The following TELO2 variants were observed in gnomAD, a reference collection of about 807,000 sequenced individuals.
TELO2 encodes the protein telomere maintenance 2.
A neutral mutation model predicts 91.0 loss-of-function variants in TELO2; 71 were observed. That is an observed-to-expected ratio of 0.78 (90% confidence interval 0.64 to 0.95). The LOEUF (loss-of-function observed/expected upper bound fraction) is 0.95, where lower values mean the gene tolerates loss of function less well. Among genes scored for constraint, TELO2 ranks in the 40% least tolerant of loss-of-function variants. The probability of loss-of-function intolerance (pLI) is 0.00; values close to 1 mark genes in which losing one functional copy is unlikely to be tolerated. For synonymous variants in TELO2, 584 were observed against 518.9 expected, an observed-to-expected ratio of 1.13 and a Z score of -1.71; for missense variants, 1,183 against 1,141.3, an observed-to-expected ratio of 1.04 and a Z score of -0.53.
chr16:1,509,896 A>T lies in TELO2; in HGVS notation c.2474A>T (p.Gln825Leu). Residue 825 changes from glutamine to leucine, a missense_variant, in exon 21 of 21, where the codon CAG becomes CTG. Transcript: ENST00000262319. ...TLALRALLLL[Q>L]RLKNRLLPPA... ...GCACTGAGGGCCCTGCTGCTTCTGC[A>T]GAGACTCAAGAACAGGCTCCTCCCA... The T allele has an allele frequency of 6.2e-7, 1 of 1,610,886 alleles. No individual in the cohort carries two copies. The highest frequency in any genetic ancestry group is 8.5e-7 in the Non-Finnish European group (1 of 1,178,996).
In TELO2 at chr16:1,505,988, C is replaced by G. The variant is rs1312217331; in HGVS notation, c.2035-250C>G. On this transcript the variant is annotated intron_variant, in intron 16 of 20. Coordinates refer to ENST00000262319, the MANE Select transcript of TELO2 (RefSeq NM_016111.4). This position sits in a 1 kb window ranked among gnomAD's most constrained non-coding sequence, Gnocchi z 4.3. ...TGCCCAGGGCGGCCTCCCCAGGACG[C>G]TCCTCCAGCCTTGAATGTCCTGCCT... 6.6e-6 allele frequency among the ~76,000 whole-genome samples: 1 copy of G among 152,232 alleles called. No individual in the cohort carries two copies. Among genetic ancestry groups the G allele is most frequent in the African/African-American group, 2.4e-5 (1 of 41,468 alleles).
Position 1,497,449 on chromosome 16 carries a change from G to T in TELO2, c.771G>T (p.Glu257Asp). ...AGCGCGTCTGCTGGCGCCTGGTGGA[G>T]CAAGTGCCGGACCGGGCCATGGAGG... Reference protein sequence around the residue: ...LHQRVCWRLVEQVPDRAMEAV... With the variant: ...LHQRVCWRLVDQVPDRAMEAV... The change falls in exon 5 of 21, where the codon GAG (glutamate) becomes GAT (aspartate). Residue 257 changes from glutamate (E) to aspartate (D), a missense_variant. Glu to Asp is a conservative substitution (Grantham distance 45). Transcript: ENST00000262319. This position sits in a 1 kb window ranked among gnomAD's most constrained non-coding sequence, Gnocchi z 4.0. 6.4e-7 allele frequency: 1 copy of T among 1,570,472 alleles called. No individual in the cohort carries two copies. Among genetic ancestry groups the T allele is most frequent in the South Asian group, 1.2e-5 (1 of 85,598 alleles).
chr16:1,505,606 G>C lies in TELO2; in HGVS notation c.2034+5G>C. ...AAGACCCAGCGGCTCTCCAAGGTTA[G>C]TGGCGCCTGGTCAGCTCCTCACGGG... is the stretch of plus-strand genomic sequence containing the variant. On this transcript the variant is annotated splice_donor_5th_base_variant and intron_variant, in intron 16 of 20. Transcript: ENST00000262319. This position sits in a 1 kb window ranked among gnomAD's most constrained non-coding sequence, Gnocchi z 4.3. The C allele has an allele frequency of 1.9e-6, 3 of 1,610,028 alleles. No homozygotes were observed. The highest frequency in any genetic ancestry group is 2.5e-6 in the Non-Finnish European group (3 of 1,178,928).
rs577762506 is a variant in TELO2, at chr16:1,495,454, C to T, written c.444C>T (p.Gly148=). 2.7e-4 allele frequency: 437 copies of T among 1,608,258 alleles called. 5 individuals carry two copies. The South Asian group carries it at 4.5e-3, about 16-fold the overall frequency. The change falls in exon 3 of 21, where the codon GGC becomes GGT. Residue 148 remains glycine, a synonymous_variant. Transcript: ENST00000262319. ...EAQCRQQTQP[G]FILLRETLLG... ...AGTGTCGGCAGCAGACGCAGCCCGG[C>T]TTCATCCTGCTCCGGGAGACGCTGC...
In TELO2 at chr16:1,499,362, C is replaced by T. The variant is rs1339278768; in HGVS notation, c.933+29C>T. On this transcript the variant is annotated intron_variant, in intron 6 of 20. Coordinates refer to ENST00000262319, the MANE Select transcript of TELO2 (RefSeq NM_016111.4). ...AGGACGCCACGGAGGGTGCAGGCTG[C>T]TGGCTGCCCCATCACAGCAAGAATG... 2.5e-6 allele frequency: 4 copies of T among 1,609,090 alleles called. No individual in the cohort carries two copies. The South Asian group carries it at 4.4e-5, about 18-fold the overall frequency.
Position 1,495,592 on chromosome 16 carries a change from G to C in TELO2, c.582G>C (p.Arg194=). Residue 194 remains arginine, a synonymous_variant, in exon 3 of 21, where the codon CGG becomes CGC. Coordinates refer to ENST00000262319, the MANE Select transcript of TELO2 (RefSeq NM_016111.4). ...YFRLLGEEVV[R]VLQAVVDSLQ... ...GCCTGCTCGGCGAGGAGGTCGTCCG[G>C]GTGCTGCAGGCGGTTGTGGACTCTC... 6.2e-7 allele frequency: 1 copy of C among 1,606,054 alleles called. No individual in the cohort carries two copies. Among genetic ancestry groups the C allele is most frequent in the South Asian group, 1.1e-5 (1 of 90,828 alleles).
At chr16:1,502,581 C>T in intron 13 of TELO2, 64 bp from the exon 14 acceptor site, 1 of 1,573,490 alleles carries the variant, frequency 6.4e-7, no homozygotes, top group Non-Finnish European at 8.6e-7. Context: ...CCCTGTGAGC[C>T]TCGGTGAGGC....
rs1331021588 is a variant in TELO2, at chr16:1,505,984, G to A, written c.2035-254G>A. On this transcript the variant is annotated intron_variant, in intron 16 of 20. Coordinates refer to ENST00000262319, the MANE Select transcript of TELO2 (RefSeq NM_016111.4). This position sits in a 1 kb window ranked among gnomAD's most constrained non-coding sequence, Gnocchi z 4.3. ...GCAGTGCCCAGGGCGGCCTCCCCAG[G>A]ACGCTCCTCCAGCCTTGAATGTCCT... Among the ~76,000 whole-genome samples the A allele has an allele frequency of 6.6e-6, 1 of 152,220 alleles. No individual in the cohort carries two copies. Among genetic ancestry groups the A allele is most frequent in the African/African-American group, 2.4e-5 (1 of 41,464 alleles).
In TELO2 at chr16:1,505,499, C is replaced by T. The variant is rs1314188482; in HGVS notation, c.1932C>T (p.Cys644=). Residue 644 remains cysteine, a synonymous_variant, in exon 16 of 21, where the codon TGC becomes TGT. Coordinates refer to ENST00000262319, the MANE Select transcript of TELO2 (RefSeq NM_016111.4). The surrounding 1 kb of genome is among the most constrained non-coding windows in gnomAD (Gnocchi z 4.3). ...GCTCCCCAAGTCCCAACACCCCGTG[C>T]CTGCCAGAGGCAGCCGTCTCTCAGC... is the stretch of plus-strand genomic sequence containing the variant. ...QPGSPSPNTP[C]LPEAAVSQPG... 19 of 1,613,158 alleles carry T rather than the reference C, an allele frequency of 1.2e-5. No individual in the cohort carries two copies. The highest frequency in any genetic ancestry group is 1.6e-5 in the Non-Finnish European group (19 of 1,180,018).
Position 1,497,655 on chromosome 16 carries a change from C to T in TELO2, c.830+147C>T, listed in dbSNP as rs2039542666. 4 of 1,099,292 alleles carry T rather than the reference C, an allele frequency of 3.6e-6. No individual in the cohort carries two copies. The highest frequency in any genetic ancestry group is 1.6e-5 in the African/African-American group (1 of 62,852). The allele number at this position is 1,099,292 out of a possible 1,614,324, so 68.1% of individuals were successfully genotyped here. On this transcript the variant is annotated intron_variant, in intron 5 of 20. Coordinates refer to ENST00000262319, the MANE Select transcript of TELO2 (RefSeq NM_016111.4). This position sits in a 1 kb window ranked among gnomAD's most constrained non-coding sequence, Gnocchi z 4.0. ...CCACAGGGTGTGGGTGGTGCCCTCTCAGTTCCCGCACGTGCTGATGGTGAC... is the reference window on the plus strand; with the variant it reads ...CCACAGGGTGTGGGTGGTGCCCTCTTAGTTCCCGCACGTGCTGATGGTGAC...
chr16:1,495,209 C>A, intron 2 of TELO2, 137 bp from the exon 3 acceptor site: 1 of 1,241,698 alleles, frequency 8.1e-7, no homozygotes, highest in Non-Finnish European at 1.1e-6. Flanking sequence ...TTTTCCCATC[C>A]GGCTTGTGGT....
At chr16:1,496,114 C>T (rs933930879) in intron 3 of TELO2, among the ~76,000 whole-genome samples, 1 of 152,242 alleles carries the variant, frequency 6.6e-6, no homozygotes. Context: ...GTCTGCCTCT[C>T]CCTGCAGGGT....
At chr16:1,498,037 G>C (rs953736313) in intron 5 of TELO2, among the ~76,000 whole-genome samples, 78 of 146,856 alleles carry the variant, frequency 5.3e-4, no homozygotes, top group Non-Finnish European at 1.0e-3. Flanking sequence ...TTCTTTTTGA[G>C]ATGGAGTCTT....
intron 13 of TELO2, 112 bp from the exon 14 acceptor site, chr16:1,502,533 C>T: frequency 3.3e-6 from 5 of 1,507,832 alleles, no homozygotes; most frequent in Non-Finnish European, 4.5e-6. Context: ...CCCGGGGGGC[C>T]TGCGGCCTGG....
At chr16:1,507,474 C>T (rs1296862073) in intron 19 of TELO2, 104 bp downstream of exon 19, 2 of 1,509,258 alleles carry the variant, frequency 1.3e-6, no homozygotes, top group East Asian at 2.4e-5. Flanking sequence ...GGCAGCCTGG[C>T]CTGGTACTTC....
chr16:1,501,350 CCCGTGGCT>C, intron 9 of TELO2, 62 bp from the exon 10 acceptor site: 1 of 1,528,298 alleles, frequency 6.5e-7, no homozygotes, highest in Non-Finnish European at 8.9e-7. Context: ...GGGAGTGGCT[CCCGTGGCT>C]CCGTCTCGGG....
chr16:1,502,994 A>G lies in TELO2; in HGVS notation c.1834A>G (p.Ile612Val), dbSNP rs1167959447. The change falls in exon 15 of 21, where the codon ATC becomes GTC. Residue 612 changes from isoleucine to valine, a missense_variant. Ile to Val is a conservative substitution (Grantham distance 29). Coordinates refer to ENST00000262319, the MANE Select transcript of TELO2 (RefSeq NM_016111.4). ...CTACAGCCTCCGGCAGCGCATGGAC[A>G]TCCTGGATGTAAGTGCCTCCTGGGC... is the stretch of plus-strand genomic sequence containing the variant. ...LNYSLRQRMD[I>V]LDVLTLAAQE... The G allele has an allele frequency of 2.5e-6, 4 of 1,610,540 alleles. No individual in the cohort carries two copies. The highest frequency in any genetic ancestry group is 8.5e-7 in the Non-Finnish European group (1 of 1,180,000).
rs1006651385 is a variant in TELO2 at position 1,497,582 on chromosome 16, G to C, written c.830+74G>C. On this transcript the variant is annotated intron_variant, in intron 5 of 20. Transcript: ENST00000262319. This position sits in a 1 kb window ranked among gnomAD's most constrained non-coding sequence, Gnocchi z 4.0. The stretch of plus-strand genomic sequence containing the variant: ...CCCCCAGAGGCTGCCATTCCTTCAC[G>C]CTACTTCTCCTGGGCGCCGTGCTGC... 1 of 1,477,094 alleles carries C rather than the reference G, an allele frequency of 6.8e-7. No individual in the cohort carries two copies. The highest frequency in any genetic ancestry group is 2.5e-5 in the East Asian group (1 of 39,920). 91.5% of individuals were successfully genotyped at this position (1,477,094 alleles called of 1,614,324 possible).
chr16:1,507,289 C>G lies in TELO2; in HGVS notation c.2227-17C>G. 7 of 1,606,792 alleles carry G rather than the reference C, an allele frequency of 4.4e-6. No homozygotes were observed. The highest frequency in any genetic ancestry group is 5.9e-6 in the Non-Finnish European group (7 of 1,179,804). On this transcript the variant is annotated splice_polypyrimidine_tract_variant and intron_variant, in intron 18 of 20. Coordinates refer to ENST00000262319, the MANE Select transcript of TELO2 (RefSeq NM_016111.4). ...CGGCGTCGGGACCCCACTGACTGTC[C>G]CTCTGCTGGTGTCCAGGTGGCTGTG...
Sources: gnomAD v4.1 joint callset for allele counts (sites outside exome capture counted in the v4.1 genomes callset) on GRCh38, gnomAD v4.1.1 for gene constraint, Gnocchi (gnomAD v3.1) non-coding constraint, MANE v1.5 for transcripts, NCBI Gene and HGNC (gene_info 2026-07-23, HGNC 2026-07-21) for gene names.